Variants in OR3A2 observed in about 807,000 individuals in gnomAD.
OR3A2 encodes the protein olfactory receptor 3A2.
For synonymous variants in OR3A2, 126 were observed against 159.3 expected (o/e 0.79, Z 1.57); for missense variants, 318 against 392.8 (o/e 0.81, Z 1.61).
chr17:3,371,366 C>T (rs1178980980), intron 2 of OR3A2, among the ~76,000 whole-genome samples: 10 of 148,940 alleles, frequency 6.7e-5, no homozygotes, highest in South Asian at 4.3e-4. Flanking sequence ...GCTGGCCGGG[C>T]GGGGGGCTGA....
Position 3,293,612 on chromosome 17 carries a change from A to C in OR3A2, c.-84-14459T>G, listed in dbSNP as rs2625459. ...TACAAGAAAAAAGAGGTAAATAAAC[A>C]AGAAAGACAAATGGATGACAAAATT... On this transcript the variant is annotated intron_variant, in intron 3 of 4. Transcript: ENST00000573491. 5.3e-3 allele frequency among the ~76,000 whole-genome samples: 814 copies of C among 152,348 alleles called. 5 individuals are homozygous for C. The highest frequency in any genetic ancestry group is 0.017 in the African/African-American group (716 of 41,582).
At chr17:3,346,994 G>A (rs1314699455) in intron 2 of OR3A2, among the ~76,000 whole-genome samples, 6 of 152,114 alleles carry the variant, frequency 3.9e-5, no homozygotes, top group Non-Finnish European at 8.8e-5. Flanking sequence ...GTGCTGCAAC[G>A]AACATGGGAG....
intron 2 of OR3A2, among the ~76,000 whole-genome samples, chr17:3,368,151 T>C (rs969096688): frequency 6.6e-6 from 1 of 152,248 alleles, no homozygotes; most frequent in African/African-American, 2.4e-5. Flanking sequence ...ATCAGATGCA[T>C]AGTTTGTGAA....
chr17:3,342,197 C>G (rs754923943), intron 2 of OR3A2, among the ~76,000 whole-genome samples: 1 of 152,016 alleles, frequency 6.6e-6, no homozygotes, highest in Non-Finnish European at 1.5e-5. Context: ...AGCTTCCTTG[C>G]AATGGGTTCA....
In OR3A2 at chr17:3,367,601, G is replaced by GTATATATATTATATATATATATATA. The variant is rs1555530076; in HGVS notation, c.-179+16202_-179+16203insTATATATATATATATAATATATATA. On this transcript the variant is annotated intron_variant, in intron 2 of 4. Transcript: ENST00000573491. ...TGTATATGTATATGTGTGTGTGTGT[G>GTATATATATTATATATATATATATA]TATATATATATATATATATATGCCA... Among the ~76,000 whole-genome samples, 97 of 122,516 alleles carry GTATATATATTATATATATATATATA rather than the reference G, an allele frequency of 7.9e-4. 4 individuals carry two copies. Among genetic ancestry groups the GTATATATATTATATATATATATATA allele is most frequent in the South Asian group, 3.1e-3 (12 of 3,820 alleles). The allele number at this position is 122,516 out of a possible 152,430, so 80.4% of individuals were successfully genotyped here.
At chr17:3,325,036 C>T (rs1383643936) in intron 3 of OR3A2, among the ~76,000 whole-genome samples, 2 of 151,848 alleles carry the variant, frequency 1.3e-5, no homozygotes, top group Non-Finnish European at 2.9e-5. Flanking sequence ...AAACTATTTC[C>T]CCATCTCAAG....
chr17:3,303,431 C>T (rs2150627316), intron 3 of OR3A2, among the ~76,000 whole-genome samples: 1 of 152,100 alleles, frequency 6.6e-6, no homozygotes, highest in Non-Finnish European at 1.5e-5. Flanking sequence ...TCTGAAGTAT[C>T]CAAAATATAT....
At chr17:3,295,933 G>GA (rs569954944) in intron 3 of OR3A2, among the ~76,000 whole-genome samples, 41 of 152,102 alleles carry the variant, frequency 2.7e-4, no homozygotes, top group Non-Finnish European at 3.4e-4. Flanking sequence ...TGTTCAAAGA[G>GA]AAATAGTCAG....
chr17:3,378,787 T>C (rs1434419907), intron 2 of OR3A2, among the ~76,000 whole-genome samples: 1 of 152,184 alleles, frequency 6.6e-6, no homozygotes, highest in African/African-American at 2.4e-5. Context: ...CCGGAAGTTC[T>C]CCCTGAACAC....
chr17:3,327,042 G>C lies in OR3A2; in HGVS notation c.-85+8991C>G, dbSNP rs1377409629. Among the ~76,000 whole-genome samples the C allele has an allele frequency of 7.2e-5, 6 of 83,464 alleles. 2 individuals are homozygous for C. The highest frequency in any genetic ancestry group is 1.4e-4 in the African/African-American group (2 of 14,696). The allele number at this position is 83,464 out of a possible 152,430, so 54.8% of individuals were successfully genotyped here. The stretch of plus-strand genomic sequence containing the variant: ...TGTGCATGTGTCTTTATAGCAGCAT[G>C]ATTTATAATCCTTTGGGTATATATA... On this transcript the variant is annotated intron_variant, in intron 3 of 4. Coordinates refer to the OR3A2 transcript ENST00000573491.
chr17:3,328,231 C>A (rs1285781267), intron 3 of OR3A2, among the ~76,000 whole-genome samples: 34 of 86,410 alleles, frequency 3.9e-4, no homozygotes, highest in African/African-American at 1.7e-3. Context: ...CTTTTATTTC[C>A]TTGAGCAGTG....
At position 3,322,422 on chromosome 17, in the gene OR3A2, C is replaced by T. The variant is rs146375515; in HGVS notation, c.-85+13611G>A. ...TTCTTGCCTTCTACTAGCTTTTGAA[C>T]GTGTTTGCTCTTGCTTCTCTAGTTC... On this transcript the variant is annotated intron_variant, in intron 3 of 4. Coordinates refer to the OR3A2 transcript ENST00000573491. Among the ~76,000 whole-genome samples the T allele has an allele frequency of 1.8e-3, 278 of 152,094 alleles. 2 individuals are homozygous for T. The highest frequency in any genetic ancestry group is 5.9e-3 in the African/African-American group (243 of 41,494).
intron 2 of OR3A2, among the ~76,000 whole-genome samples, chr17:3,350,712 C>T (rs1445293723): frequency 2.0e-5 from 3 of 151,316 alleles, no homozygotes; most frequent in Non-Finnish European, 1.5e-5. Context: ...ATACCAAAGC[C>T]GGGCAGAGAC....
chr17:3,383,148 G>A (rs1288923595), intron 2 of OR3A2, among the ~76,000 whole-genome samples: 4 of 152,188 alleles, frequency 2.6e-5, no homozygotes, highest in Admixed American at 2.6e-4. Context: ...AGGTTCCTTT[G>A]GCCACTATGT....
chr17:3,291,557 T>C, intron 3 of OR3A2: 1 of 1,201,596 alleles, frequency 8.3e-7, no homozygotes, highest in Non-Finnish European at 1.2e-6. Context: ...GTGTGAACCA[T>C]TTTTTTCCTA....
At chr17:3,366,375 A>G (rs989176582) in intron 2 of OR3A2, among the ~76,000 whole-genome samples, 1 of 152,184 alleles carries the variant, frequency 6.6e-6, no homozygotes, top group Non-Finnish European at 1.5e-5. Flanking sequence ...AATGTTGGGG[A>G]AACAGAAAAT....
rs570553036 is a variant in OR3A2, at chr17:3,355,036, G to C, written c.-178-18910C>G. Among the ~76,000 whole-genome samples, 54 of 151,450 alleles carry C rather than the reference G, an allele frequency of 3.6e-4. 1 individual carries two copies. The South Asian group carries it at 0.01, about 29-fold the overall frequency. On this transcript the variant is annotated intron_variant, in intron 2 of 4. Transcript: ENST00000573491. ...CCCACTGGTCATTCAGGAGTGTACT[G>C]TGTAATGTCTAATGTGTTCATATAG...
At chr17:3,380,987 T>G (rs1460634609) in intron 2 of OR3A2, among the ~76,000 whole-genome samples, 2 of 152,186 alleles carry the variant, frequency 1.3e-5, no homozygotes, top group African/African-American at 4.8e-5. Flanking sequence ...GGCATTTGTT[T>G]GGGGGCAGGG....
intron 3 of OR3A2, among the ~76,000 whole-genome samples, chr17:3,328,768 G>C (rs1037643623): frequency 7.0e-6 from 1 of 143,010 alleles, no homozygotes; most frequent in East Asian, 2.1e-4. Context: ...TTAGCATGAA[G>C]GGTTGTTGAA....
Sources: allele counts gnomAD v4.1 joint callset (sites outside exome capture counted in the v4.1 genomes callset), GRCh38; gene constraint gnomAD v4.1.1; transcripts MANE v1.5; gene names NCBI Gene and HGNC (gene_info 2026-07-23, HGNC 2026-07-21).